The following C2CD3 variants were observed in gnomAD, a reference collection of about 807,000 sequenced individuals.
C2CD3 encodes C2 domain containing 3 centriole elongation regulator, also known as C2 domain-containing protein 3.
In C2CD3, 148 loss-of-function variants were observed where a neutral mutation model predicts 234.0. The observed-to-expected ratio is 0.63, with a 90% CI of 0.55 to 0.72. C2CD3 has a LOEUF of 0.72. C2CD3 is among the 30% of genes least tolerant of loss of function. C2CD3 has a pLI of 0.00. For synonymous variants in C2CD3, 1,000 were observed against 1,035.4 expected (o/e 0.97, Z 0.66); for missense variants, 2,577 against 2,811.5 (o/e 0.92, Z 1.89).
intron 24 of C2CD3, among the ~76,000 whole-genome samples, chr11:74,062,676 A>C (rs1954302862): frequency 6.6e-6 from 1 of 152,114 alleles, no homozygotes; most frequent in South Asian, 2.1e-4. Flanking sequence ...AAAGCAGGAA[A>C]GATCTAAAAT....
In C2CD3 at chr11:74,037,481, T is replaced by C; in HGVS notation, c.5878A>G (p.Thr1960Ala). ...CAAGAAAGGATCTGAGTCATACCTG[T>C]GATTAAGGAGCTGACTTGCAACACC... is the stretch of plus-strand genomic sequence containing the variant. Reference protein sequence around the residue: ...NLVLQVSSLITDLQTITRDSQ... With the variant: ...NLVLQVSSLIADLQTITRDSQ... The change falls in exon 30 of 33, where the codon ACA becomes GCA. Residue 1960 changes from threonine to alanine, a missense_variant. Coordinates refer to ENST00000334126, the MANE Select transcript of C2CD3 (RefSeq NM_001286577.2). 6.2e-7 allele frequency: 1 copy of C among 1,611,866 alleles called. No homozygotes were observed.
intron 28 of C2CD3, among the ~76,000 whole-genome samples, chr11:74,043,092 T>C (rs1953154134): frequency 6.6e-6 from 1 of 152,206 alleles, no homozygotes; most frequent in Non-Finnish European, 1.5e-5. Flanking sequence ...GTTACCACAA[T>C]CAGTTTTAGA....
chr11:74,057,329 A>G (rs1220213535), intron 25 of C2CD3, 77 bp downstream of exon 25: 4 of 1,494,952 alleles, frequency 2.7e-6, no homozygotes, highest in Non-Finnish European at 1.9e-6. Context: ...TGTGTTGGTT[A>G]TAGTCCTTGC....
chr11:74,049,871 C>T (rs1322529561), intron 26 of C2CD3, among the ~76,000 whole-genome samples: 2 of 140,430 alleles, frequency 1.4e-5, no homozygotes, highest in African/African-American at 6.6e-5. Context: ...GCCTCGAACT[C>T]GCAAACTCAA....
At chr11:74,077,490 T>A (rs960248604) in intron 23 of C2CD3, among the ~76,000 whole-genome samples, 2 of 151,896 alleles carry the variant, frequency 1.3e-5, no homozygotes, top group South Asian at 4.2e-4. Flanking sequence ...TGCAGGGACA[T>A]GGATGAAGCC....
In C2CD3 at chr11:74,084,918, T is replaced by C; in HGVS notation, c.3963A>G (p.Val1321=). ...ESCKEYLLGV[V]KVPTKELLIK... is the part of the protein sequence containing the mutation. ...TCAGCAGCTCTTTTGTTGGAACTTT[T>C]ACTACTCCAAGCAGATACTCTTTGC... The change falls in exon 22 of 33, where the codon GTA becomes GTG. Residue 1321 remains valine (V), a synonymous_variant. Coordinates refer to ENST00000334126, the MANE Select transcript of C2CD3 (RefSeq NM_001286577.2). The C allele has an allele frequency of 1.2e-6, 2 of 1,613,018 alleles. No individual in the cohort carries two copies. Among genetic ancestry groups the C allele is most frequent in the Non-Finnish European group, 8.5e-7 (1 of 1,179,074 alleles).
intron 9 of C2CD3, among the ~76,000 whole-genome samples, chr11:74,116,251 C>A: frequency 6.6e-6 from 1 of 152,090 alleles, no homozygotes; most frequent in Admixed American, 6.6e-5. Flanking sequence ...TATCCAGAAT[C>A]TATAAGGAAT....
intron 5 of C2CD3, among the ~76,000 whole-genome samples, chr11:74,138,212 C>A (rs1340375209): frequency 6.6e-6 from 1 of 152,122 alleles, no homozygotes; most frequent in East Asian, 1.9e-4. Context: ...TGTCTAAGCC[C>A]TTATAAGGGT....
intron 24 of C2CD3, among the ~76,000 whole-genome samples, chr11:74,057,927 C>A (rs976840640): frequency 4.6e-5 from 7 of 152,154 alleles, no homozygotes; most frequent in Non-Finnish European, 8.8e-5. Context: ...CCACTACACT[C>A]CAGACTGGGG....
chr11:74,169,188 TCACA>T (rs376467701), intron 1 of C2CD3, among the ~76,000 whole-genome samples: 15 of 152,350 alleles, frequency 9.8e-5, no homozygotes, highest in African/African-American at 3.6e-4. Context: ...CCTGCCAAGA[TCACA>T]CAGTCAGTGA....
Position 74,033,438 on chromosome 11 carries a change from T to C in C2CD3, c.6722A>G (p.His2241Arg). 6.5e-7 allele frequency: 1 copy of C among 1,536,182 alleles called. No homozygotes were observed. The highest frequency in any genetic ancestry group is 8.7e-7 in the Non-Finnish European group (1 of 1,146,914). Residue 2241 changes from histidine (H) to arginine (R), a missense_variant, in exon 31 of 33, where the codon CAT becomes CGT. Physicochemically the swap from His to Arg is conservative, Grantham distance 29. Transcript: ENST00000334126. Reference sequence around the variant, plus strand: ...AGAGGAGTCGATGGGTGGTCCCTTATGGTTTTCCCTTCTGCTCTGGGAGGC... The same window carrying C: ...AGAGGAGTCGATGGGTGGTCCCTTACGGTTTTCCCTTCTGCTCTGGGAGGC... The part of the protein sequence containing the change: ...NLASQSRREN[H>R]KGPPIDSSDI...
At position 74,028,388 on chromosome 11, in the gene C2CD3, T is replaced by C. The variant is rs1952391953; in HGVS notation, c.6820A>G (p.Ile2274Val). ...GGCAAAAAGAAGTTGGGCACCACAA[T>C]GGGCCCTGGGCTACAATGGTAGTTA... Reference protein sequence around the residue: ...TKQSLLLPGPIVVPNFFLPPQ... With the variant: ...TKQSLLLPGPVVVPNFFLPPQ... Residue 2274 changes from isoleucine to valine, a missense_variant, in exon 32 of 33, where the codon ATT (isoleucine) becomes GTT (valine). Coordinates refer to ENST00000334126, the MANE Select transcript of C2CD3 (RefSeq NM_001286577.2). 2 of 1,534,796 alleles carry C rather than the reference T, an allele frequency of 1.3e-6. No homozygotes were observed. The highest frequency in any genetic ancestry group is 1.7e-6 in the Non-Finnish European group (2 of 1,145,960).
At chr11:74,164,162 C>A in intron 2 of C2CD3, 2 of 973,028 alleles carry the variant, frequency 2.1e-6, no homozygotes, top group Non-Finnish European at 2.4e-6. Context: ...CTTTATACTT[C>A]ACTTGTTGTG....
chr11:74,026,619 G>A (rs1952308604), intron 32 of C2CD3, among the ~76,000 whole-genome samples: 1 of 152,154 alleles, frequency 6.6e-6, no homozygotes, highest in Non-Finnish European at 1.5e-5. Flanking sequence ...TGTACCATAA[G>A]TCAAATGTCA....
chr11:74,061,898 T>C (rs987204166), intron 24 of C2CD3, among the ~76,000 whole-genome samples: 1 of 151,840 alleles, frequency 6.6e-6, no homozygotes, highest in Non-Finnish European at 1.5e-5. Flanking sequence ...CAGAGACACA[T>C]ACAGGCTCAA....
At chr11:74,103,011 G>A in intron 14 of C2CD3, 120 bp downstream of exon 14, 1 of 980,130 alleles carries the variant, frequency 1.0e-6, no homozygotes, top group Admixed American at 2.3e-5. Context: ...CTGTACACCA[G>A]ATAATTACGA....
chr11:74,078,750 G>A, intron 22 of C2CD3, 33 bp from the exon 23 acceptor site: 1 of 1,535,586 alleles, frequency 6.5e-7, no homozygotes, highest in Non-Finnish European at 8.7e-7. Context: ...CTCAATTATA[G>A]TCTTAAAAGT....
chr11:74,163,099 A>G (rs1163253162), intron 2 of C2CD3, among the ~76,000 whole-genome samples: 1 of 152,228 alleles, frequency 6.6e-6, no homozygotes, highest in Non-Finnish European at 1.5e-5. Context: ...TTTCTTAACC[A>G]AAGTTGAGAA....
chr11:74,136,947 T>TA (rs960004502), intron 5 of C2CD3, among the ~76,000 whole-genome samples: 19 of 137,270 alleles, frequency 1.4e-4, no homozygotes, highest in African/African-American at 4.2e-4. Flanking sequence ...TAAAAGTAAA[T>TA]AAAAAAAAAT....
Sources: gnomAD v4.1 joint callset for allele counts (sites outside exome capture counted in the v4.1 genomes callset) on GRCh38, gnomAD v4.1.1 for gene constraint, MANE v1.5 for transcripts, NCBI Gene and HGNC (gene_info 2026-07-23, HGNC 2026-07-21) for gene names.